Variants in CDH6 observed in about 807,000 individuals in gnomAD.
CDH6 encodes cadherin-6.
In CDH6, 31 loss-of-function variants were observed where a neutral mutation model predicts 78.0. That is an observed-to-expected ratio of 0.40 (90% CI 0.30 to 0.54). The LOEUF (loss-of-function observed/expected upper bound fraction) is 0.54. Among genes scored for constraint, CDH6 ranks in the 20% least tolerant of loss-of-function variants. The pLI is 0.56. For missense variants in CDH6, 724 were observed against 975.9 expected (o/e 0.74, Z 3.44); for synonymous variants, 376 against 368.8 (o/e 1.02, Z -0.23).
rs550407426 is a variant in CDH6 at position 31,315,948 on chromosome 5, T to C, written c.1391-260T>C. On this transcript the variant is annotated intron_variant, in intron 8 of 11. Transcript: ENST00000265071. Reference sequence around the variant, plus strand: ...ATGCCTTTCTTGGTTTTGTGTTATCTTAAGGTTTATTATACAGTTGAACTA... The same window carrying C: ...ATGCCTTTCTTGGTTTTGTGTTATCCTAAGGTTTATTATACAGTTGAACTA... Among the ~76,000 whole-genome samples the C allele has an allele frequency of 2.0e-5, 3 of 152,340 alleles. No homozygotes were observed. The South Asian group carries it at 6.2e-4, about 32-fold the overall frequency.
chr5:31,278,161 T>G (rs186527467), intron 2 of CDH6, among the ~76,000 whole-genome samples: 1 of 152,336 alleles, frequency 6.6e-6, no homozygotes, highest in Admixed American at 6.5e-5. Flanking sequence ...TCTTTGATAG[T>G]GTTTTGCAGC....
chr5:31,289,535 C>A (rs183212972), intron 2 of CDH6, among the ~76,000 whole-genome samples: 1 of 152,120 alleles, frequency 6.6e-6, no homozygotes, highest in Non-Finnish European at 1.5e-5. Context: ...ACTTTTAGTT[C>A]TCTGAGAAAT....
rs1157085664 is a variant in CDH6 at position 31,302,916 on chromosome 5, A to AAAG, written c.999+621_999+623dup. Among the ~76,000 whole-genome samples the AAAG allele has an allele frequency of 5.6e-3, 660 of 116,920 alleles. 6 individuals are homozygous for AAAG. The highest frequency in any genetic ancestry group is 0.017 in the African/African-American group (627 of 36,544). The allele number at this position is 116,920 out of a possible 152,430, so 76.7% of individuals were successfully genotyped here. Reference sequence around the variant, plus strand: ...GAAAGAAAGAAAAAAAGAAAGAAAGAAAGAAAGAAAGAAAGAAAGAAAGAA... The same window carrying AAAG: ...GAAAGAAAGAAAAAAAGAAAGAAAGAAAGAAGAAAGAAAGAAAGAAAGAAAGAA... On this transcript the variant is annotated intron_variant, in intron 6 of 11. Transcript: ENST00000265071.
intron 1 of CDH6, among the ~76,000 whole-genome samples, chr5:31,260,931 T>C (rs749242641): frequency 6.6e-6 from 1 of 152,224 alleles, no homozygotes; most frequent in Non-Finnish European, 1.5e-5. Flanking sequence ...TCTATCCTTA[T>C]GATACCACTT....
intron 1 of CDH6, among the ~76,000 whole-genome samples, chr5:31,245,022 A>G (rs1021554770): frequency 6.6e-5 from 10 of 152,236 alleles, no homozygotes; most frequent in African/African-American, 2.4e-4. Context: ...GACATGGAGC[A>G]GGAAACAAAG....
At chr5:31,269,128 T>C (rs937579122) in intron 2 of CDH6, among the ~76,000 whole-genome samples, 2 of 152,232 alleles carry the variant, frequency 1.3e-5, no homozygotes, top group Admixed American at 1.3e-4. Flanking sequence ...AAGCACTTTT[T>C]ACAACACAAA....
chr5:31,232,489 C>A (rs80191229), intron 1 of CDH6, among the ~76,000 whole-genome samples: 1 of 152,146 alleles, frequency 6.6e-6, no homozygotes, highest in Non-Finnish European at 1.5e-5. Flanking sequence ...AGTGGACATA[C>A]GTTTAATGCA....
chr5:31,227,728 G>A (rs963782326), intron 1 of CDH6, among the ~76,000 whole-genome samples: 3 of 152,072 alleles, frequency 2.0e-5, no homozygotes, highest in African/African-American at 4.8e-5. Context: ...AGCTGTGGCC[G>A]TGCTTCTCAG....
intron 1 of CDH6, among the ~76,000 whole-genome samples, chr5:31,240,217 T>C (rs894579673): frequency 6.6e-6 from 1 of 152,222 alleles, no homozygotes; most frequent in Non-Finnish European, 1.5e-5. Context: ...ATTGCCTTTG[T>C]TTAGTCCAGA....
At chr5:31,222,320 A>G (rs559274803) in intron 1 of CDH6, among the ~76,000 whole-genome samples, 5 of 152,312 alleles carry the variant, frequency 3.3e-5, no homozygotes, top group Admixed American at 6.5e-5. Flanking sequence ...TGTAAAAGTG[A>G]TTGATACAGG....
At chr5:31,259,131 C>T (rs1373935139) in intron 1 of CDH6, among the ~76,000 whole-genome samples, 2 of 152,146 alleles carry the variant, frequency 1.3e-5, no homozygotes, top group East Asian at 1.9e-4. Flanking sequence ...TAGAATATAG[C>T]AATGTTAACC....
chr5:31,229,448 T>C (rs1157789181), intron 1 of CDH6, among the ~76,000 whole-genome samples: 1 of 152,210 alleles, frequency 6.6e-6, no homozygotes, highest in Non-Finnish European at 1.5e-5. Context: ...AGGAAAATAT[T>C]TTCTCTCTGG....
At chr5:31,265,570 A>T (rs1231967684) in intron 1 of CDH6, among the ~76,000 whole-genome samples, 1 of 152,172 alleles carries the variant, frequency 6.6e-6, no homozygotes, top group African/African-American at 2.4e-5. Flanking sequence ...TGTCACATAT[A>T]CATTTACCTG....
chr5:31,325,803 A>G lies in CDH6; in HGVS notation c.*2495A>G, dbSNP rs1738612444. 1 of 231,280 alleles carries G rather than the reference A, an allele frequency of 4.3e-6. No homozygotes were observed. The highest frequency in any genetic ancestry group is 8.6e-6 in the Non-Finnish European group (1 of 116,878). 14.3% of individuals were successfully genotyped at this position (231,280 alleles called of 1,614,324 possible). On this transcript the variant is annotated 3_prime_UTR_variant, in exon 12 of 12. Coordinates refer to ENST00000265071, the MANE Select transcript of CDH6 (RefSeq NM_004932.4). ...TAATCTCTTATCATAAAAGCTGATGATGAAGTAAATTTATAGGAAATTGGA... is the reference window on the plus strand; with the variant it reads ...TAATCTCTTATCATAAAAGCTGATGGTGAAGTAAATTTATAGGAAATTGGA...
Position 31,327,317 on chromosome 5 carries a change from C to G in CDH6, c.*4009C>G. The stretch of plus-strand genomic sequence containing the variant: ...CAGCTAAATTCATTTTCACCAGGAA[C>G]AGACCACCAAATAAATTATTTTATC... On this transcript the variant is annotated 3_prime_UTR_variant, in exon 12 of 12. Transcript: ENST00000265071. 5.2e-6 allele frequency: 1 copy of G among 191,500 alleles called. No individual in the cohort carries two copies. Among genetic ancestry groups the G allele is most frequent in the Non-Finnish European group, 1.1e-5 (1 of 91,436 alleles). 11.9% of individuals were successfully genotyped at this position (191,500 alleles called of 1,614,324 possible).
At chr5:31,308,652 T>G (rs1413400917) in intron 7 of CDH6, among the ~76,000 whole-genome samples, 3 of 152,144 alleles carry the variant, frequency 2.0e-5, no homozygotes, top group African/African-American at 7.2e-5. Context: ...TTCTATTAAT[T>G]TTTAAATGTC....
At chr5:31,214,566 A>G (rs1740812569) in intron 1 of CDH6, among the ~76,000 whole-genome samples, 1 of 152,242 alleles carries the variant, frequency 6.6e-6, no homozygotes, top group African/African-American at 2.4e-5. Context: ...TCAGAAAGAA[A>G]TTATGTTGTA....
At chr5:31,269,846 T>G (rs907866546) in intron 2 of CDH6, among the ~76,000 whole-genome samples, 1 of 152,148 alleles carries the variant, frequency 6.6e-6, no homozygotes, top group African/African-American at 2.4e-5. Context: ...CTGCCCCTCC[T>G]TCTCCTCCTT....
chr5:31,258,315 G>C (rs1381651518), intron 1 of CDH6, among the ~76,000 whole-genome samples: 3 of 152,120 alleles, frequency 2.0e-5, no homozygotes, highest in Non-Finnish European at 4.4e-5. Context: ...CCATAAAAAA[G>C]GATGAGTTCA....
Sources: gnomAD v4.1 joint callset for allele counts (sites outside exome capture counted in the v4.1 genomes callset) on GRCh38, gnomAD v4.1.1 for gene constraint, MANE v1.5 for transcripts, NCBI Gene and HGNC (gene_info 2026-07-23, HGNC 2026-07-21) for gene names.